SUSD6: variants seen among roughly 807,000 people sequenced by gnomAD.
SUSD6 encodes sushi domain containing 6.
Under a neutral mutation model 28.4 loss-of-function variants are expected in SUSD6, and 16 were observed. The observed-to-expected ratio is 0.56, with a 90% CI of 0.38 to 0.86. The LOEUF (loss-of-function observed/expected upper bound fraction) is 0.86, where lower values mean the gene tolerates loss of function less well. Among genes scored for constraint, SUSD6 ranks in the 40% least tolerant of loss-of-function variants. The pLI, the probability that SUSD6 is intolerant of heterozygous loss-of-function variation, is 0.00. For synonymous variants in SUSD6, 147 were observed against 159.6 expected, an observed-to-expected ratio of 0.92 and a Z score of 0.59; for missense variants, 341 against 384.2, an observed-to-expected ratio of 0.89 and a Z score of 0.94.
intron 1 of SUSD6, chr14:69,617,797 C>G (rs575338662): frequency 6.6e-6 from 1 of 152,272 alleles, no homozygotes; most frequent in African/African-American, 2.4e-5. Context: ...TGCTCAAAGG[C>G]TTCTGCTAGG....
At chr14:69,621,351 A>T (rs1366383218) in intron 1 of SUSD6, among the ~76,000 whole-genome samples, 1 of 152,226 alleles carries the variant, frequency 6.6e-6, no homozygotes, top group Non-Finnish European at 1.5e-5. Flanking sequence ...TGAAAAACAA[A>T]TATAAACAGG....
intron 2 of SUSD6, among the ~76,000 whole-genome samples, chr14:69,688,125 A>G (rs1360029929): frequency 2.6e-5 from 4 of 152,230 alleles, no homozygotes; most frequent in African/African-American, 9.6e-5. Context: ...AGAAGACTAG[A>G]TGTATTTACT....
intron 2 of SUSD6, among the ~76,000 whole-genome samples, chr14:69,678,983 G>C (rs933250556): frequency 6.6e-6 from 1 of 152,134 alleles, no homozygotes; most frequent in Non-Finnish European, 1.5e-5. Flanking sequence ...CACAGTAATT[G>C]TACCAGTTTA....
chr14:69,682,790 C>T (rs1177588289), intron 2 of SUSD6, among the ~76,000 whole-genome samples: 1 of 152,196 alleles, frequency 6.6e-6, no homozygotes, highest in Non-Finnish European at 1.5e-5. Context: ...ACTCTGAAAA[C>T]TATGCTGAGT....
intron 2 of SUSD6, among the ~76,000 whole-genome samples, chr14:69,686,858 CCATATCATTGACCTAGTCTCTT>C (rs1272856942): frequency 6.6e-6 from 1 of 152,218 alleles, no homozygotes; most frequent in South Asian, 2.1e-4. Flanking sequence ...CAGAGTCAAA[CCATATCATTGACCTAGTCTCTT>C]CATGTATTAA....
intron 2 of SUSD6, among the ~76,000 whole-genome samples, chr14:69,682,673 A>G (rs1056815581): frequency 3.9e-5 from 6 of 152,236 alleles, no homozygotes; most frequent in Non-Finnish European, 5.9e-5. Context: ...CTAATTTTTT[A>G]TAATCACATT....
At chr14:69,637,677 G>T (rs1327476990) in intron 1 of SUSD6, among the ~76,000 whole-genome samples, 2 of 152,192 alleles carry the variant, frequency 1.3e-5, no homozygotes, top group Non-Finnish European at 2.9e-5. Context: ...TTCCACCAGG[G>T]ATGGGCATTG....
At chr14:69,693,868 T>C (rs1886186880) in intron 2 of SUSD6, among the ~76,000 whole-genome samples, 1 of 152,176 alleles carries the variant, frequency 6.6e-6, no homozygotes, top group Non-Finnish European at 1.5e-5. Flanking sequence ...AGGTAGGCAG[T>C]GTATTTTCAC....
Position 69,708,663 on chromosome 14 carries a change from C to G in SUSD6, c.459-14C>G. On this transcript the variant is annotated splice_polypyrimidine_tract_variant and intron_variant, in intron 4 of 5. Coordinates refer to ENST00000342745, the MANE Select transcript of SUSD6 (RefSeq NM_014734.4). ...ATTCTAATTCATCCTTTGTCTTTTC[C>G]TCCTCCACTCCAGGCGTGACCAGGG... 6.6e-7 allele frequency: 1 copy of G among 1,523,094 alleles called. No homozygotes were observed. 94.3% of individuals were successfully genotyped at this position (1,523,094 alleles called of 1,614,324 possible). A position where few individuals can be genotyped will look rare whatever the true frequency, so the allele number is the denominator to read the frequency against.
At chr14:69,627,134 T>C (rs557833862) in intron 1 of SUSD6, among the ~76,000 whole-genome samples, 4 of 152,098 alleles carry the variant, frequency 2.6e-5, no homozygotes, top group Non-Finnish European at 5.9e-5. Flanking sequence ...CCCACCACCA[T>C]GGTGGAAGTC....
chr14:69,664,189 C>G (rs1291686197), intron 2 of SUSD6, among the ~76,000 whole-genome samples: 1 of 152,054 alleles, frequency 6.6e-6, no homozygotes, highest in Non-Finnish European at 1.5e-5. Context: ...ACAGTGTTAG[C>G]CAGGATGGTC....
At chr14:69,612,123 G>A (rs911866197) in intron 1 of SUSD6, among the ~76,000 whole-genome samples, 3 of 151,848 alleles carry the variant, frequency 2.0e-5, no homozygotes, top group African/African-American at 7.2e-5. Context: ...GTGACCCGCG[G>A]TCCGGGGCGC....
rs545417110 is a variant in SUSD6 at position 69,651,571 on chromosome 14, AT to A, written c.-80-6941del. Reference sequence around the variant, plus strand: ...TGAAAGGATGTCAGAGTCCGGTAAAATATGTGGCTGTCGAAGCACTCAAGTG... The same window carrying A: ...TGAAAGGATGTCAGAGTCCGGTAAAAATGTGGCTGTCGAAGCACTCAAGTG... On this transcript the variant is annotated intron_variant, in intron 1 of 5. Transcript: ENST00000342745. Among the ~76,000 whole-genome samples the A allele has an allele frequency of 2.4e-3, 365 of 152,330 alleles. 1 individual carries two copies. The highest frequency in any genetic ancestry group is 4.4e-3 in the Non-Finnish European group (302 of 68,030).
chr14:69,639,861 T>A (rs74060244), intron 1 of SUSD6, among the ~76,000 whole-genome samples: 1 of 149,852 alleles, frequency 6.7e-6, no homozygotes, highest in East Asian at 2.0e-4. Context: ...CATTGCCAAA[T>A]GGGGGAGGTG....
Position 69,711,060 on chromosome 14 carries a change from C to A in SUSD6, c.*81C>A. On this transcript the variant is annotated 3_prime_UTR_variant, in exon 6 of 6. Transcript: ENST00000342745. ...CCTGTGGGATTGAGCACCCTGTACT[C>A]TCCAGCCACCTTACCTGGATACCTG... 1 of 1,393,698 alleles carries A rather than the reference C, an allele frequency of 7.2e-7. No individual in the cohort carries two copies. The highest frequency in any genetic ancestry group is 1.0e-6 in the Non-Finnish European group (1 of 980,594). The allele number at this position is 1,393,698 out of a possible 1,614,324, so 86.3% of individuals were successfully genotyped here. A position where few individuals can be genotyped will look rare whatever the true frequency, so the allele number is the denominator to read the frequency against.
At chr14:69,705,530 GC>G (rs1193528239) in intron 4 of SUSD6, among the ~76,000 whole-genome samples, 3 of 152,228 alleles carry the variant, frequency 2.0e-5, no homozygotes, top group Middle Eastern at 3.4e-3. Flanking sequence ...AAGTTTGTGA[GC>G]CACTATCCTG....
intron 2 of SUSD6, among the ~76,000 whole-genome samples, chr14:69,678,619 A>G (rs1167706354): frequency 2.0e-5 from 3 of 152,044 alleles, no homozygotes; most frequent in Non-Finnish European, 4.4e-5. Context: ...CCTGGCCAAC[A>G]TGATGAAACC....
intron 1 of SUSD6, among the ~76,000 whole-genome samples, chr14:69,618,905 A>G (rs187561193): frequency 6.6e-6 from 1 of 152,338 alleles, no homozygotes; most frequent in Admixed American, 6.5e-5. Flanking sequence ...CCAGCACAAC[A>G]AAGTATATGA....
intron 1 of SUSD6, among the ~76,000 whole-genome samples, chr14:69,651,817 G>A (rs886200255): frequency 6.6e-6 from 1 of 152,212 alleles, no homozygotes; most frequent in African/African-American, 2.4e-5. Flanking sequence ...GGAAGAAAGA[G>A]AGGTTAAGGA....
Sources: allele counts gnomAD v4.1 joint callset (sites outside exome capture counted in the v4.1 genomes callset), GRCh38; gene constraint gnomAD v4.1.1; transcripts MANE v1.5; gene names NCBI Gene and HGNC (gene_info 2026-07-23, HGNC 2026-07-21).